CST9: variants seen among roughly 807,000 people sequenced by gnomAD.
The protein encoded by CST9 is cystatin 9, also known as cystatin-9.
Under a neutral mutation model 7.7 loss-of-function variants are expected in CST9, and 11 were observed. The ratio of observed to expected loss-of-function variants is 1.44; its 90% CI spans 0.90 to 2.38. CST9 has a LOEUF of 2.38. Ranked by LOEUF, CST9 falls within the 30% of genes most tolerant of loss-of-function variation. The pLI is 0.00. For synonymous variants in CST9, 71 were observed against 74.3 expected, an observed-to-expected ratio of 0.96 and a Z score of 0.23; for missense variants, 214 against 199.1, an observed-to-expected ratio of 1.07 and a Z score of -0.45.
Position 23,605,720 on chromosome 20 carries a change from C to T in CST9, c.145G>A (p.Ala49Thr), listed in dbSNP as rs747413476. The change falls in exon 1 of 2, where the codon GCC becomes ACC. Residue 49 changes from alanine to threonine, a missense_variant. Physicochemically the swap from Ala to Thr is moderately conservative, Grantham distance 58. Transcript: ENST00000376971. ...NKIVQDPMFL[A>T]TVEFALNTFN... is the part of the protein sequence containing the mutation. ...GTGTTCAAGGCAAACTCCACTGTGG[C>T]GAGGAACATAGGATCCTGGACTATT... The T allele has an allele frequency of 5.0e-5, 81 of 1,614,104 alleles. No individual in the cohort carries two copies. Among genetic ancestry groups the T allele is most frequent in the Middle Eastern group, 1.6e-4 (1 of 6,084 alleles).
At position 23,603,782 on chromosome 20, in the gene CST9, T is replaced by C. The variant is rs750867998; in HGVS notation, c.256-48A>G. The C allele has an allele frequency of 3.8e-6, 6 of 1,582,942 alleles. 1 individual carries two copies. Among genetic ancestry groups the C allele is most frequent in the Middle Eastern group, 1.7e-4 (1 of 5,998 alleles). ...AGTGGATGCACCGTCTTCCTGCCCC[T>C]AAGTAGCTACTAGTGAAGATGCCAT... On this transcript the variant is annotated intron_variant, in intron 1 of 1. Transcript: ENST00000376971.
intron 1 of CST9, 133 bp downstream of exon 1, chr20:23,605,477 C>A: frequency 9.8e-7 from 1 of 1,019,368 alleles, no homozygotes; most frequent in Non-Finnish European, 1.4e-6. Flanking sequence ...AAAACTAAAA[C>A]TACCGTAATT....
In CST9 at chr20:23,603,460, G is replaced by T; in HGVS notation, c.*50C>A. On this transcript the variant is annotated 3_prime_UTR_variant, in exon 2 of 2. Coordinates refer to ENST00000376971, the MANE Select transcript of CST9 (RefSeq NM_001008693.3). ...ACCCCTGGGCTTAATGCCTCACTGG[G>T]CTTCCCACTAAGGCACAAGCAGGGC... The T allele has an allele frequency of 6.3e-7, 1 of 1,595,686 alleles. No homozygotes were observed. Among genetic ancestry groups the T allele is most frequent in the Non-Finnish European group, 8.5e-7 (1 of 1,170,044 alleles).
chr20:23,603,031 C>T lies in CST9; in HGVS notation c.*479G>A. 1.0e-6 allele frequency: 1 copy of T among 1,004,072 alleles called. No homozygotes were observed. Among genetic ancestry groups the T allele is most frequent in the Non-Finnish European group, 1.2e-6 (1 of 841,678 alleles). 62.2% of individuals were successfully genotyped at this position (1,004,072 alleles called of 1,614,324 possible). A position where few individuals can be genotyped will look rare whatever the true frequency, so the allele number is the denominator to read the frequency against. On this transcript the variant is annotated 3_prime_UTR_variant, in exon 2 of 2. Coordinates refer to ENST00000376971, the MANE Select transcript of CST9 (RefSeq NM_001008693.3). ...AAGAGCAGCAGGAGAATGTTTTGTCCCAGTGGAAGCAGTTCCCAGACTTAG... is the reference window on the plus strand; with the variant it reads ...AAGAGCAGCAGGAGAATGTTTTGTCTCAGTGGAAGCAGTTCCCAGACTTAG...
chr20:23,603,821 G>T (rs2122407666), intron 1 of CST9, 87 bp from the exon 2 acceptor site: 1 of 1,347,492 alleles, frequency 7.4e-7, no homozygotes, highest in Non-Finnish European at 1.0e-6. Context: ...AGTAGGAGAG[G>T]CCCCAACACT....
At chr20:23,603,788 G>A (rs1289188256) in intron 1 of CST9, 54 bp from the exon 2 acceptor site, 1 of 1,567,702 alleles carries the variant, frequency 6.4e-7, no homozygotes, top group Non-Finnish European at 8.7e-7. Context: ...CCCCTAAGTA[G>A]CTACTAGTGA....
chr20:23,605,504 A>C (rs980646008), intron 1 of CST9, 106 bp downstream of exon 1: 5 of 1,307,050 alleles, frequency 3.8e-6, no homozygotes, highest in African/African-American at 1.5e-5. Context: ...GGACTACCTG[A>C]CTATGGACTG....
Position 23,603,427 on chromosome 20 carries a change from G to A in CST9, c.*83C>T, listed in dbSNP as rs1046513196. On this transcript the variant is annotated 3_prime_UTR_variant, in exon 2 of 2. Transcript: ENST00000376971. ...GGAAACTCAGATTGGCCAGGGGCCTGAAAGTGAACCCCTGGGCTTAATGCC... is the reference window on the plus strand; with the variant it reads ...GGAAACTCAGATTGGCCAGGGGCCTAAAAGTGAACCCCTGGGCTTAATGCC... 2 of 1,525,506 alleles carry A rather than the reference G, an allele frequency of 1.3e-6. No individual in the cohort carries two copies. Among genetic ancestry groups the A allele is most frequent in the African/African-American group, 1.4e-5 (1 of 72,540 alleles). 94.5% of individuals were successfully genotyped at this position (1,525,506 alleles called of 1,614,324 possible). A position where few individuals can be genotyped will look rare whatever the true frequency, so the allele number is the denominator to read the frequency against.
In CST9 at chr20:23,602,867, G is replaced by T; in HGVS notation, c.*643C>A. ...TGGCTCTGGCCTTCAGGTCTAGCCTGAGCCTGAGGCCAATCCTGAACTACA... is the reference window on the plus strand; with the variant it reads ...TGGCTCTGGCCTTCAGGTCTAGCCTTAGCCTGAGGCCAATCCTGAACTACA... On this transcript the variant is annotated 3_prime_UTR_variant, in exon 2 of 2. Coordinates refer to ENST00000376971, the MANE Select transcript of CST9 (RefSeq NM_001008693.3). The T allele has an allele frequency of 1.0e-6, 1 of 986,570 alleles. No homozygotes were observed. The highest frequency in any genetic ancestry group is 1.2e-6 in the Non-Finnish European group (1 of 830,890). The allele number at this position is 986,570 out of a possible 1,614,324, so 61.1% of individuals were successfully genotyped here. A position where few individuals can be genotyped will look rare whatever the true frequency, so the allele number is the denominator to read the frequency against.
In CST9 at chr20:23,602,713, G is replaced by A. The variant is rs149389660; in HGVS notation, c.*797C>T. 1 of 985,754 alleles carries A rather than the reference G, an allele frequency of 1.0e-6. No individual in the cohort carries two copies. The highest frequency in any genetic ancestry group is 1.2e-6 in the Non-Finnish European group (1 of 830,218). The allele number at this position is 985,754 out of a possible 1,614,324, so 61.1% of individuals were successfully genotyped here. A position where few individuals can be genotyped will look rare whatever the true frequency, so the allele number is the denominator to read the frequency against. On this transcript the variant is annotated 3_prime_UTR_variant, in exon 2 of 2. Transcript: ENST00000376971. ...TTCAACAGTGAAGAAGCAGCTGAAG[G>A]TCCGAGGGAACAAACAGGAAGAGAC...
At chr20:23,604,422 G>T (rs984868125) in intron 1 of CST9, among the ~76,000 whole-genome samples, 1 of 152,164 alleles carries the variant, frequency 6.6e-6, no homozygotes, top group African/African-American at 2.4e-5. Flanking sequence ...CATGTGGAAA[G>T]CTTTTAGGAC....
At chr20:23,605,478 T>C in intron 1 of CST9, 132 bp downstream of exon 1, 1 of 1,029,510 alleles carries the variant, frequency 9.7e-7, no homozygotes, top group Non-Finnish European at 1.4e-6. Flanking sequence ...AAACTAAAAC[T>C]ACCGTAATTG....
Position 23,602,877 on chromosome 20 carries a change from C to G in CST9, c.*633G>C. The G allele has an allele frequency of 1.0e-6, 1 of 986,952 alleles. No individual in the cohort carries two copies. Among genetic ancestry groups the G allele is most frequent in the Non-Finnish European group, 1.2e-6 (1 of 831,140 alleles). The allele number at this position is 986,952 out of a possible 1,614,324, so 61.1% of individuals were successfully genotyped here. A position where few individuals can be genotyped will look rare whatever the true frequency, so the allele number is the denominator to read the frequency against. On this transcript the variant is annotated 3_prime_UTR_variant, in exon 2 of 2. Coordinates refer to ENST00000376971, the MANE Select transcript of CST9 (RefSeq NM_001008693.3). ...CTTCAGGTCTAGCCTGAGCCTGAGG[C>G]CAATCCTGAACTACAACGTGATTTG...
chr20:23,605,614 C>G lies in CST9; in HGVS notation c.251G>C (p.Arg84Thr). ...GAAGAGGATGTGGTCACCAACCTTT[C>G]TGTCCATGCTATCCTCCCTCCATGA... ...LSSWREDSMD[R>T]KWRGKMVFSM... Residue 84 changes from arginine to threonine, a missense_variant, in exon 1 of 2, where the codon AGA (arginine) becomes ACA (threonine). Coordinates refer to ENST00000376971, the MANE Select transcript of CST9 (RefSeq NM_001008693.3). 2 of 1,613,872 alleles carry G rather than the reference C, an allele frequency of 1.2e-6. No individual in the cohort carries two copies. Among genetic ancestry groups the G allele is most frequent in the Non-Finnish European group, 1.7e-6 (2 of 1,179,848 alleles).
intron 1 of CST9, 76 bp from the exon 2 acceptor site, chr20:23,603,810 G>A: frequency 1.4e-6 from 2 of 1,427,360 alleles, no homozygotes; most frequent in Non-Finnish European, 1.9e-6. Flanking sequence ...GATGCCATTT[G>A]AGTAGGAGAG....
chr20:23,605,736 C>T lies in CST9; in HGVS notation c.129G>A (p.Gln43=). The change falls in exon 1 of 2, where the codon CAG becomes CAA. Residue 43 remains glutamine, a synonymous_variant. Transcript: ENST00000376971. The part of the protein sequence containing the change: ...EEMGGNNKIV[Q]DPMFLATVEF... ...CCACTGTGGCGAGGAACATAGGATC[C>T]TGGACTATTTTATTATTACCACCCA... The T allele has an allele frequency of 6.2e-7, 1 of 1,614,208 alleles. No individual in the cohort carries two copies.
chr20:23,602,907 T>C lies in CST9; in HGVS notation c.*603A>G. 2.0e-6 allele frequency: 2 copies of C among 987,922 alleles called. No individual in the cohort carries two copies. Among genetic ancestry groups the C allele is most frequent in the Non-Finnish European group, 2.4e-6 (2 of 831,918 alleles). 61.2% of individuals were successfully genotyped at this position (987,922 alleles called of 1,614,324 possible). A position where few individuals can be genotyped will look rare whatever the true frequency, so the allele number is the denominator to read the frequency against. On this transcript the variant is annotated 3_prime_UTR_variant, in exon 2 of 2. Transcript: ENST00000376971. ...CCTGAACTACAACGTGATTTGAGGC[T>C]CCCTCCCTCCTTAGCCAGGGTCACT...
rs975875928 is a variant in CST9 at position 23,603,200 on chromosome 20, C to T, written c.*310G>A. 2.0e-5 allele frequency: 25 copies of T among 1,223,170 alleles called. No homozygotes were observed. In the African/African-American group the frequency reaches 2.9e-4, roughly 14 times the overall value. 75.8% of individuals were successfully genotyped at this position (1,223,170 alleles called of 1,614,324 possible). A position where few individuals can be genotyped will look rare whatever the true frequency, so the allele number is the denominator to read the frequency against. On this transcript the variant is annotated 3_prime_UTR_variant, in exon 2 of 2. Transcript: ENST00000376971. Reference sequence around the variant, plus strand: ...GGGCCTAGGAGCGAGGGCAGTGGGGCTTCTTCTCAGCCTCCACCACTTTTG... The same window carrying T: ...GGGCCTAGGAGCGAGGGCAGTGGGGTTTCTTCTCAGCCTCCACCACTTTTG...
chr20:23,605,212 C>T (rs111811865), intron 1 of CST9, among the ~76,000 whole-genome samples: 1 of 151,994 alleles, frequency 6.6e-6, no homozygotes, highest in Admixed American at 6.6e-5. Context: ...CTCTGTCTGT[C>T]TGTCTCTCTC....
Sources: allele counts gnomAD v4.1 joint callset (sites outside exome capture counted in the v4.1 genomes callset), GRCh38; gene constraint gnomAD v4.1.1; transcripts MANE v1.5; gene names NCBI Gene and HGNC (gene_info 2026-07-23, HGNC 2026-07-21).